ARHGAP5: variants seen among roughly 807,000 people sequenced by gnomAD.
ARHGAP5 encodes the protein rho GTPase-activating protein 5.
A neutral mutation model predicts 116.6 loss-of-function variants in ARHGAP5; 23 were observed. That is an observed-to-expected ratio of 0.20 (90% CI 0.14 to 0.28). ARHGAP5 has a LOEUF of 0.28. Ranked by LOEUF, ARHGAP5 falls within the 10% of genes least tolerant of loss-of-function variation. The probability of loss-of-function intolerance (pLI) is 1.00; values close to 1 mark genes in which losing one functional copy is unlikely to be tolerated. For missense variants in ARHGAP5, 1,405 were observed against 1,774.8 expected (o/e 0.79, Z 3.74); for synonymous variants, 574 against 602.0 (o/e 0.95, Z 0.68).
chr14:32,108,447 C>G (rs762300370), intron 2 of ARHGAP5, among the ~76,000 whole-genome samples: 17 of 151,928 alleles, frequency 1.1e-4, no homozygotes, highest in Non-Finnish European at 1.6e-4. Context: ...AATGTGTAAT[C>G]CTGTGATCAG....
At chr14:32,101,989 A>T (rs1055950979) in intron 2 of ARHGAP5, among the ~76,000 whole-genome samples, 11 of 152,188 alleles carry the variant, frequency 7.2e-5, no homozygotes, top group African/African-American at 1.9e-4. Flanking sequence ...AAAAGAAAAA[A>T]AAAAGCTTAC....
At chr14:32,080,910 A>C (rs1220898484) in intron 1 of ARHGAP5, among the ~76,000 whole-genome samples, 1 of 152,208 alleles carries the variant, frequency 6.6e-6, no homozygotes, top group African/African-American at 2.4e-5. Context: ...AAAAGAGCAT[A>C]ACCTTGTAAT....
In ARHGAP5 at chr14:32,123,190, G is replaced by T. The variant is rs199806659; in HGVS notation, c.3865+5903G>T. Among the ~76,000 whole-genome samples, 46 of 151,976 alleles carry T rather than the reference G, an allele frequency of 3.0e-4. 1 individual carries two copies. In the East Asian group the frequency reaches 8.9e-3, roughly 29 times the overall value. On this transcript the variant is annotated intron_variant, in intron 3 of 6. Transcript: ENST00000345122. ...CACATAATTTTAATAATCTTAGTAT[G>T]TGTGTTTTAAAAACGACATCTGCTT...
intron 2 of ARHGAP5, among the ~76,000 whole-genome samples, chr14:32,099,668 C>T (rs1437085979): frequency 2.6e-5 from 4 of 152,154 alleles, no homozygotes; most frequent in African/African-American, 7.2e-5. Flanking sequence ...GTCTGTATCT[C>T]AGAACGGTCC....
intron 2 of ARHGAP5, among the ~76,000 whole-genome samples, chr14:32,097,761 T>A (rs1878600837): frequency 6.6e-6 from 1 of 152,164 alleles, no homozygotes; most frequent in Non-Finnish European, 1.5e-5. Flanking sequence ...GATAAATTAT[T>A]AGAGTTAACA....
At chr14:32,089,841 T>C (rs1217557206) in intron 1 of ARHGAP5, among the ~76,000 whole-genome samples, 1 of 151,966 alleles carries the variant, frequency 6.6e-6, no homozygotes, top group East Asian at 1.9e-4. Flanking sequence ...ATTTGGTCCT[T>C]AGTTTAAGAA....
intron 3 of ARHGAP5, among the ~76,000 whole-genome samples, chr14:32,143,380 C>G (rs1881229186): frequency 6.6e-6 from 1 of 151,966 alleles, no homozygotes; most frequent in African/African-American, 2.4e-5. Context: ...GTAGCTGGGA[C>G]TACAGGTGCC....
At chr14:32,125,314 G>A (rs969689862) in intron 3 of ARHGAP5, among the ~76,000 whole-genome samples, 9 of 152,106 alleles carry the variant, frequency 5.9e-5, no homozygotes, top group African/African-American at 2.2e-4. Context: ...AGGCTCATCT[G>A]TGTTGTAACA....
At position 32,093,772 on chromosome 14, in the gene ARHGAP5, A is replaced by G; in HGVS notation, c.3103A>G (p.Lys1035Glu). ...PNCHDHERNH[K>E]VPPPIKPKPV... The stretch of plus-strand genomic sequence containing the variant: ...CTGTCATGACCATGAACGCAACCAT[A>G]AAGTGCCTCCACCTATTAAACCTAA... Residue 1035 changes from lysine to glutamate, a missense_variant, in exon 2 of 7, where the codon AAA (lysine) becomes GAA (glutamate). By Grantham distance (56) the Lys-to-Glu change is moderately conservative. Transcript: ENST00000345122. The G allele has an allele frequency of 1.2e-6, 2 of 1,614,100 alleles. No homozygotes were observed. Among genetic ancestry groups the G allele is most frequent in the Non-Finnish European group, 8.5e-7 (1 of 1,179,964 alleles).
chr14:32,087,235 T>C (rs1433484541), intron 1 of ARHGAP5, among the ~76,000 whole-genome samples: 1 of 152,016 alleles, frequency 6.6e-6, no homozygotes, highest in Non-Finnish European at 1.5e-5. Context: ...ATTGCTTGGC[T>C]AATAGAGGAC....
intron 6 of ARHGAP5, among the ~76,000 whole-genome samples, chr14:32,153,559 G>A (rs528266167): frequency 2.0e-3 from 259 of 129,804 alleles, no homozygotes; most frequent in Non-Finnish European, 1.9e-3. Context: ...TGCAACCTCC[G>A]CCTCCTGGGT....
rs1881870415 is a variant in ARHGAP5, at chr14:32,155,878, T to C, written c.*930T>C. 6.6e-6 allele frequency: 1 copy of C among 152,608 alleles called. No individual in the cohort carries two copies. Among genetic ancestry groups the C allele is most frequent in the African/African-American group, 2.4e-5 (1 of 41,460 alleles). 9.5% of individuals were successfully genotyped at this position (152,608 alleles called of 1,614,324 possible). Reference sequence around the variant, plus strand: ...TCATACATAAACATGAAATTTGTTGTAGAAAATTCTTTAAACCAAACATTT... The same window carrying C: ...TCATACATAAACATGAAATTTGTTGCAGAAAATTCTTTAAACCAAACATTT... On this transcript the variant is annotated 3_prime_UTR_variant, in exon 7 of 7. Coordinates refer to ENST00000345122, the MANE Select transcript of ARHGAP5 (RefSeq NM_001030055.2).
At chr14:32,109,699 C>T (rs939286354) in intron 2 of ARHGAP5, among the ~76,000 whole-genome samples, 2 of 151,820 alleles carry the variant, frequency 1.3e-5, no homozygotes, top group African/African-American at 4.8e-5. Context: ...ATTTTTCAGG[C>T]GTTTGAAACT....
intron 2 of ARHGAP5, among the ~76,000 whole-genome samples, chr14:32,112,337 G>A (rs1879351956): frequency 6.6e-6 from 1 of 152,052 alleles, no homozygotes. Flanking sequence ...TTGTGTTGCT[G>A]GTATTAAGTA....
intron 2 of ARHGAP5, among the ~76,000 whole-genome samples, chr14:32,107,614 T>C (rs1254369125): frequency 6.6e-6 from 1 of 152,136 alleles, no homozygotes; most frequent in Non-Finnish European, 1.5e-5. Context: ...ATATTTGCTG[T>C]GGAGAGTAAA....
At chr14:32,123,527 A>G (rs1039284284) in intron 3 of ARHGAP5, among the ~76,000 whole-genome samples, 3 of 149,724 alleles carry the variant, frequency 2.0e-5, no homozygotes, top group Admixed American at 6.6e-5. Flanking sequence ...TCTGTTCTAT[A>G]TCATTTCTGG....
Position 32,155,177 on chromosome 14 carries a change from G to A in ARHGAP5, c.*229G>A. ...TTTTATAAACAAAAATAGCTATAAA[G>A]TACAAAGCTGCTGCTGCATGCAACC... is the stretch of plus-strand genomic sequence containing the variant. On this transcript the variant is annotated 3_prime_UTR_variant, in exon 7 of 7. Coordinates refer to ENST00000345122, the MANE Select transcript of ARHGAP5 (RefSeq NM_001030055.2). 2 of 464,900 alleles carry A rather than the reference G, an allele frequency of 4.3e-6. No individual in the cohort carries two copies. The highest frequency in any genetic ancestry group is 7.0e-5 in the South Asian group (2 of 28,388). 28.8% of individuals were successfully genotyped at this position (464,900 alleles called of 1,614,324 possible).
chr14:32,123,114 A>G (rs1404543640), intron 3 of ARHGAP5, among the ~76,000 whole-genome samples: 3 of 152,036 alleles, frequency 2.0e-5, no homozygotes, highest in African/African-American at 7.2e-5. Context: ...CCAATACTTT[A>G]AGATTATTCT....
chr14:32,117,063 C>A, intron 2 of ARHGAP5, 77 bp from the exon 3 acceptor site: 1 of 1,151,742 alleles, frequency 8.7e-7, no homozygotes, highest in Non-Finnish European at 1.2e-6. Flanking sequence ...TTGATCCGAA[C>A]CGTGTATTTA....
Sources: gnomAD v4.1 joint callset for allele counts (sites outside exome capture counted in the v4.1 genomes callset) on GRCh38, gnomAD v4.1.1 for gene constraint, MANE v1.5 for transcripts, NCBI Gene and HGNC (gene_info 2026-07-23, HGNC 2026-07-21) for gene names.